The following PIK3R5 variants were observed in gnomAD, a reference collection of about 807,000 sequenced individuals.
PIK3R5 encodes the protein phosphoinositide 3-kinase regulatory subunit 5.
Under a neutral mutation model 94.9 loss-of-function variants are expected in PIK3R5, and 32 were observed. The observed-to-expected ratio is 0.34, with a 90% confidence interval of 0.25 to 0.45. PIK3R5 has a LOEUF of 0.45. Ranked by LOEUF, PIK3R5 falls within the 20% of genes least tolerant of loss-of-function variation. PIK3R5 has a pLI of 1.00. For synonymous variants in PIK3R5, 443 were observed against 479.4 expected, an observed-to-expected ratio of 0.92 and a Z score of 0.99; for missense variants, 853 against 1,144.6, an observed-to-expected ratio of 0.75 and a Z score of 3.68.
At chr17:8,895,072 C>T (rs950174794) in intron 5 of PIK3R5, among the ~76,000 whole-genome samples, 4 of 152,102 alleles carry the variant, frequency 2.6e-5, no homozygotes, top group African/African-American at 9.7e-5. Context: ...GTCCATTTTG[C>T]CAGATAAGTC....
intron 1 of PIK3R5, among the ~76,000 whole-genome samples, chr17:8,931,637 G>A (rs2090989457): frequency 6.6e-6 from 1 of 152,168 alleles, no homozygotes; most frequent in South Asian, 2.1e-4. Context: ...GCAAGGAACT[G>A]GAAAAGAGGG....
intron 1 of PIK3R5, among the ~76,000 whole-genome samples, chr17:8,940,542 T>C (rs117799244): frequency 0.043 from 6,514 of 151,956 alleles, 183 homozygotes; most frequent in Non-Finnish European, 0.062. Flanking sequence ...GCTAAGGTTT[T>C]TTTGTTTGTT....
rs541957280 is a variant in PIK3R5 at position 8,925,212 on chromosome 17, A to T, written c.-13-13705T>A. Among the ~76,000 whole-genome samples, 229 of 152,156 alleles carry T rather than the reference A, an allele frequency of 1.5e-3. 2 individuals carry two copies. Among genetic ancestry groups the T allele is most frequent in the African/African-American group, 5.0e-3 (207 of 41,430 alleles). ...AGACAGAAAGTAGATGGATAGATAG[A>T]TAGATAGTAGATGGATAGATAGATA... On this transcript the variant is annotated intron_variant, in intron 1 of 18. Coordinates refer to ENST00000447110, the MANE Select transcript of PIK3R5 (RefSeq NM_001142633.3). The surrounding 1 kb of genome is among the most constrained non-coding windows in gnomAD (Gnocchi z 5.1).
At position 8,881,932 on chromosome 17, in the gene PIK3R5, G is replaced by T; in HGVS notation, c.2206-51C>A. On this transcript the variant is annotated intron_variant, in intron 15 of 18. Transcript: ENST00000447110. The surrounding 1 kb of genome is among the most constrained non-coding windows in gnomAD (Gnocchi z 4.8). Reference sequence around the variant, plus strand: ...TCTGAGTCCAGAGGCCCCGGTGCCTGCTGCCTTCTCTTTGAAGGCCCATCA... The same window carrying T: ...TCTGAGTCCAGAGGCCCCGGTGCCTTCTGCCTTCTCTTTGAAGGCCCATCA... 7.1e-7 allele frequency: 1 copy of T among 1,410,148 alleles called. No homozygotes were observed. Among genetic ancestry groups the T allele is most frequent in the Non-Finnish European group, 9.9e-7 (1 of 1,006,780 alleles). The allele number at this position is 1,410,148 out of a possible 1,614,324, so 87.4% of individuals were successfully genotyped here. A position where few individuals can be genotyped will look rare whatever the true frequency, so the allele number is the denominator to read the frequency against.
chr17:8,929,627 C>CA (rs796501076), intron 1 of PIK3R5, among the ~76,000 whole-genome samples: 45 of 151,990 alleles, frequency 3.0e-4, no homozygotes, highest in African/African-American at 9.9e-4. Flanking sequence ...GCTATACAGC[C>CA]AAAAAAAGAG....
chr17:8,941,591 G>A (rs561584274), intron 1 of PIK3R5, among the ~76,000 whole-genome samples: 4 of 152,184 alleles, frequency 2.6e-5, no homozygotes, highest in African/African-American at 4.8e-5. Flanking sequence ...GCTGTGCTGC[G>A]CTTGCCCCCA....
At chr17:8,951,144 G>A (rs370734836) in intron 1 of PIK3R5, among the ~76,000 whole-genome samples, 18 of 152,186 alleles carry the variant, frequency 1.2e-4, no homozygotes, top group African/African-American at 4.3e-4. Flanking sequence ...TTTTTAAATG[G>A]GGTTATTTGG....
At position 8,889,971 on chromosome 17, in the gene PIK3R5, A is replaced by G; in HGVS notation, c.811+2T>C. 2 of 1,613,504 alleles carry G rather than the reference A, an allele frequency of 1.2e-6. No homozygotes were observed. Among genetic ancestry groups the G allele is most frequent in the Non-Finnish European group, 1.7e-6 (2 of 1,179,902 alleles). On this transcript the variant is annotated splice_donor_variant, in intron 8 of 18. Transcript: ENST00000447110. LOFTEE classifies it high-confidence loss of function. The surrounding 1 kb of genome is among the most constrained non-coding windows in gnomAD (Gnocchi z 4.1). ...AGAACCCCATTCTCCCAAGAGCCTCACCTAACACCCCAGGGAAGCCAGCTT... is the reference window on the plus strand; with the variant it reads ...AGAACCCCATTCTCCCAAGAGCCTCGCCTAACACCCCAGGGAAGCCAGCTT...
chr17:8,914,664 A>G (rs2090596363), intron 1 of PIK3R5, among the ~76,000 whole-genome samples: 1 of 152,208 alleles, frequency 6.6e-6, no homozygotes, highest in Non-Finnish European at 1.5e-5. Context: ...TCCTCGGGTC[A>G]CTATCTACTC....
chr17:8,948,864 A>C (rs2091324989), intron 1 of PIK3R5, among the ~76,000 whole-genome samples: 1 of 152,182 alleles, frequency 6.6e-6, no homozygotes, highest in Non-Finnish European at 1.5e-5. Flanking sequence ...GCACCATCCA[A>C]AATAACTCTC....
At position 8,896,486 on chromosome 17, in the gene PIK3R5, G is replaced by A. The variant is rs1261853951; in HGVS notation, c.413-2831C>T. On this transcript the variant is annotated intron_variant, in intron 5 of 18. Transcript: ENST00000447110. The surrounding 1 kb of genome is among the most constrained non-coding windows in gnomAD (Gnocchi z 4.0). ...CTTGCCTGGGTTGTTCCTACGTCAG[G>A]CTCTAGCAAGTAAGAAATTGAGAGA... Among the ~76,000 whole-genome samples, 1 of 152,166 alleles carries A rather than the reference G, an allele frequency of 6.6e-6. No homozygotes were observed. The highest frequency in any genetic ancestry group is 1.5e-5 in the Non-Finnish European group (1 of 68,036).
intron 1 of PIK3R5, among the ~76,000 whole-genome samples, chr17:8,946,375 T>A (rs2091270392): frequency 6.6e-6 from 1 of 151,736 alleles, no homozygotes; most frequent in African/African-American, 2.4e-5. Flanking sequence ...ACCAGGCACC[T>A]AAGAAAACTA....
intron 1 of PIK3R5, among the ~76,000 whole-genome samples, chr17:8,932,616 GGACTGAATAAAA>G (rs2091006909): frequency 6.6e-6 from 1 of 152,044 alleles, no homozygotes; most frequent in African/African-American, 2.4e-5. Context: ...TTCATTGGAT[GGACTGAATAAAA>G]GACTGGACAC....
At chr17:8,894,711 T>A (rs2090110936) in intron 5 of PIK3R5, among the ~76,000 whole-genome samples, 1 of 152,130 alleles carries the variant, frequency 6.6e-6, no homozygotes, top group Non-Finnish European at 1.5e-5. Context: ...AAGCGGGAGT[T>A]CACTCCCTCA....
At chr17:8,963,387 G>T (rs2091599594) in intron 1 of PIK3R5, among the ~76,000 whole-genome samples, 1 of 152,102 alleles carries the variant, frequency 6.6e-6, no homozygotes, top group Non-Finnish European at 1.5e-5. Context: ...CAGCCAGCAG[G>T]CCCCTGATGG....
intron 1 of PIK3R5, among the ~76,000 whole-genome samples, chr17:8,919,321 T>G (rs951073899): frequency 1.3e-5 from 2 of 152,220 alleles, no homozygotes; most frequent in Non-Finnish European, 2.9e-5. Context: ...TTTTATATAT[T>G]TACATAGCCT....
At chr17:8,908,530 A>AACACACACAC (rs3138608) in intron 3 of PIK3R5, among the ~76,000 whole-genome samples, 2,352 of 136,636 alleles carry the variant, frequency 0.017, 40 homozygotes, top group South Asian at 0.046. Flanking sequence ...AAATAATTAA[A>AACACACACAC]ACACACACAC....
intron 1 of PIK3R5, among the ~76,000 whole-genome samples, chr17:8,956,823 C>T (rs1414590891): frequency 2.6e-5 from 4 of 152,120 alleles, no homozygotes; most frequent in Non-Finnish European, 5.9e-5. Flanking sequence ...GGGACACTCA[C>T]GGAGGAAGGC....
chr17:8,891,905 C>T (rs2090034990), intron 6 of PIK3R5, among the ~76,000 whole-genome samples: 1 of 152,024 alleles, frequency 6.6e-6, no homozygotes, highest in Non-Finnish European at 1.5e-5. Flanking sequence ...CGCCCGGCTA[C>T]TATGGAAACT....
Sources: allele counts gnomAD v4.1 joint callset (sites outside exome capture counted in the v4.1 genomes callset), GRCh38; gene constraint gnomAD v4.1.1; non-coding constraint Gnocchi (gnomAD v3.1); transcripts MANE v1.5; gene names NCBI Gene and HGNC (gene_info 2026-07-23, HGNC 2026-07-21).